KCNIP1: variants seen among roughly 807,000 people sequenced by gnomAD.
The protein encoded by KCNIP1 is potassium voltage-gated channel interacting protein 1, also known as A-type potassium channel modulatory protein KCNIP1.
Under a neutral mutation model 33.0 loss-of-function variants are expected in KCNIP1, and 18 were observed. The ratio of observed to expected loss-of-function variants is 0.55; its 90% CI spans 0.38 to 0.81. KCNIP1 has a LOEUF of 0.81. Ranked by LOEUF, KCNIP1 falls within the 30% of genes least tolerant of loss-of-function variation. KCNIP1 has a pLI of 0.00. For missense variants in KCNIP1, 238 were observed against 271.6 expected (o/e 0.88, Z 0.87); for synonymous variants, 93 against 98.3 (o/e 0.95, Z 0.32).
intron 1 of KCNIP1, among the ~76,000 whole-genome samples, chr5:170,528,362 G>A (rs1755657598): frequency 6.6e-6 from 1 of 152,196 alleles, no homozygotes; most frequent in South Asian, 2.1e-4. Flanking sequence ...ACACCATCGG[G>A]TGACTGCAAA....
chr5:170,673,324 C>T (rs1041244151), intron 1 of KCNIP1, among the ~76,000 whole-genome samples: 2 of 152,218 alleles, frequency 1.3e-5, no homozygotes, highest in African/African-American at 4.8e-5. Context: ...TGACCTTTTG[C>T]AGCTTAAACA....
At position 170,627,425 on chromosome 5, in the gene KCNIP1, C is replaced by T. The variant is rs76245337; in HGVS notation, c.62-91333C>T. On this transcript the variant is annotated intron_variant, in intron 1 of 7. Transcript: ENST00000328939. ...TGCCTGACCCCACACCTGCCAATGC[C>T]GGGGCAAGAATGTCCCAGGCTGCCC... Among the ~76,000 whole-genome samples, 1,382 of 152,334 alleles carry T rather than the reference C, an allele frequency of 9.1e-3. 16 individuals carry two copies. The highest frequency in any genetic ancestry group is 0.032 in the African/African-American group (1,319 of 41,564).
At position 170,538,315 on chromosome 5, in the gene KCNIP1, G is replaced by A. The variant is rs145823525; in HGVS notation, c.61+33682G>A. Reference sequence around the variant, plus strand: ...CTAATAATTAAACAGGGGTGATTTTGTCAGCCCCACATGGCCTGACAAAGC... The same window carrying A: ...CTAATAATTAAACAGGGGTGATTTTATCAGCCCCACATGGCCTGACAAAGC... On this transcript the variant is annotated intron_variant, in intron 1 of 7. Transcript: ENST00000328939. Among the ~76,000 whole-genome samples the A allele has an allele frequency of 3.0e-4, 45 of 152,294 alleles. 1 individual carries two copies. The highest frequency in any genetic ancestry group is 8.9e-4 in the African/African-American group (37 of 41,564).
At chr5:170,598,873 C>T (rs868491649) in intron 1 of KCNIP1, among the ~76,000 whole-genome samples, 22 of 150,558 alleles carry the variant, frequency 1.5e-4, no homozygotes, top group Admixed American at 5.3e-4. Flanking sequence ...CTGATGTGCT[C>T]GTTCCCATAG....
At chr5:170,355,472 T>G (rs1320248775) in intron 1 of KCNIP1, among the ~76,000 whole-genome samples, 1 of 152,124 alleles carries the variant, frequency 6.6e-6, no homozygotes, top group Non-Finnish European at 1.5e-5. Context: ...CAGCCTCTCA[T>G]GGAGGGCTTG....
chr5:170,483,113 G>A (rs562764819), intron 1 of KCNIP1: 11 of 453,902 alleles, frequency 2.4e-5, no homozygotes, highest in African/African-American at 4.0e-5. Flanking sequence ...TGGGCAGTAC[G>A]TGTGTGCACC....
intron 1 of KCNIP1, among the ~76,000 whole-genome samples, chr5:170,595,095 T>A (rs1387723337): frequency 6.6e-6 from 1 of 152,048 alleles, no homozygotes; most frequent in Non-Finnish European, 1.5e-5. Context: ...GCCACCAAAG[T>A]CCAAGCATCT....
At chr5:170,390,536 A>T (rs1221387730) in intron 1 of KCNIP1, among the ~76,000 whole-genome samples, 16 of 136,354 alleles carry the variant, frequency 1.2e-4, no homozygotes, top group African/African-American at 4.6e-4. Context: ...ATATATATAT[A>T]TATTTTCAAC....
chr5:170,575,371 A>C (rs892603935), intron 1 of KCNIP1, among the ~76,000 whole-genome samples: 3 of 152,248 alleles, frequency 2.0e-5, no homozygotes, highest in African/African-American at 7.2e-5. Context: ...TAAGCAGGAA[A>C]AATGGGTTTA....
intron 1 of KCNIP1, among the ~76,000 whole-genome samples, chr5:170,487,455 A>G (rs1291175309): frequency 2.0e-5 from 3 of 152,160 alleles, no homozygotes; most frequent in Non-Finnish European, 4.4e-5. Flanking sequence ...GAACCCTTCT[A>G]AAGTGCACAA....
intron 1 of KCNIP1, among the ~76,000 whole-genome samples, chr5:170,391,609 T>C (rs575558682): frequency 6.6e-5 from 10 of 152,302 alleles, no homozygotes; most frequent in African/African-American, 2.4e-4. Flanking sequence ...TCACAAAATA[T>C]CTTCTCTGAC....
intron 1 of KCNIP1, among the ~76,000 whole-genome samples, chr5:170,685,311 C>A (rs1363789422): frequency 6.6e-6 from 1 of 151,168 alleles, no homozygotes; most frequent in Non-Finnish European, 1.5e-5. Flanking sequence ...TTAGCCACAG[C>A]CTGAAGATCC....
chr5:170,495,407 T>G (rs1181562104), intron 1 of KCNIP1, among the ~76,000 whole-genome samples: 2 of 152,156 alleles, frequency 1.3e-5, no homozygotes, highest in Non-Finnish European at 2.9e-5. Flanking sequence ...AACCCCTGCC[T>G]GAAAAAGACA....
chr5:170,585,944 C>A (rs1757972316), intron 1 of KCNIP1, among the ~76,000 whole-genome samples: 1 of 152,238 alleles, frequency 6.6e-6, no homozygotes, highest in African/African-American at 2.4e-5. Context: ...ACCTCTCAAG[C>A]ACATGGCCTT....
At chr5:170,708,137 A>G (rs926709904) in intron 1 of KCNIP1, among the ~76,000 whole-genome samples, 9 of 152,176 alleles carry the variant, frequency 5.9e-5, no homozygotes, top group African/African-American at 1.9e-4. Context: ...AAGCTGAAGG[A>G]CCAAATGGGA....
chr5:170,488,054 T>C (rs1372931834), intron 1 of KCNIP1, among the ~76,000 whole-genome samples: 3 of 152,202 alleles, frequency 2.0e-5, no homozygotes, highest in Non-Finnish European at 4.4e-5. Context: ...TCAATCACTT[T>C]ATTTTCTGTG....
At chr5:170,543,609 G>T (rs984616986) in intron 1 of KCNIP1, among the ~76,000 whole-genome samples, 5 of 152,080 alleles carry the variant, frequency 3.3e-5, no homozygotes, top group Non-Finnish European at 7.4e-5. Context: ...AAATAAAGAG[G>T]GTCATTTGGG....
intron 1 of KCNIP1, among the ~76,000 whole-genome samples, chr5:170,654,724 TAC>T (rs1397776658): frequency 6.6e-6 from 1 of 152,212 alleles, no homozygotes; most frequent in East Asian, 1.9e-4. Context: ...TGGCAAAAAT[TAC>T]AGTGTTAACT....
At chr5:170,661,491 C>T (rs1048233816) in intron 1 of KCNIP1, among the ~76,000 whole-genome samples, 7 of 152,088 alleles carry the variant, frequency 4.6e-5, no homozygotes, top group Non-Finnish European at 1.0e-4. Context: ...TGCTGCCATC[C>T]CTGGTTTGTT....
Sources: allele counts gnomAD v4.1 joint callset (sites outside exome capture counted in the v4.1 genomes callset), GRCh38; gene constraint gnomAD v4.1.1; transcripts MANE v1.5; gene names NCBI Gene and HGNC (gene_info 2026-07-23, HGNC 2026-07-21).